Variants in PLCB1 observed in about 807,000 individuals in gnomAD.
PLCB1 encodes phospholipase C beta 1, also known as 1-phosphatidylinositol 4,5-bisphosphate phosphodiesterase beta-1.
A neutral mutation model predicts 161.8 loss-of-function variants in PLCB1; 46 were observed. That is an observed-to-expected ratio of 0.28 (90% CI 0.22 to 0.36). The LOEUF is 0.36. Among genes scored for constraint, PLCB1 ranks in the 10% least tolerant of loss-of-function variants. The pLI is 1.00. For missense variants in PLCB1, 1,016 were observed against 1,472.5 expected (o/e 0.69, Z 5.07); for synonymous variants, 517 against 503.7 (o/e 1.03, Z -0.35).
At chr20:8,763,861 T>G (rs553092927) in intron 25 of PLCB1, among the ~76,000 whole-genome samples, 1 of 151,938 alleles carries the variant, frequency 6.6e-6, no homozygotes, top group South Asian at 2.1e-4. Flanking sequence ...CAAAGTTTTC[T>G]CAGCATGGGA....
intron 2 of PLCB1, among the ~76,000 whole-genome samples, chr20:8,164,744 G>C (rs2051659145): frequency 6.6e-6 from 1 of 152,308 alleles, no homozygotes; most frequent in Middle Eastern, 3.4e-3. Flanking sequence ...GAGTAGCTCA[G>C]ATGCCACTTT....
chr20:8,832,221 C>A (rs1986047678), intron 31 of PLCB1, among the ~76,000 whole-genome samples: 1 of 151,918 alleles, frequency 6.6e-6, no homozygotes, highest in African/African-American at 2.4e-5. Context: ...CTTCTAACAG[C>A]AAAAAGAAAC....
intron 2 of PLCB1, among the ~76,000 whole-genome samples, chr20:8,358,411 G>A (rs1383954087): frequency 6.6e-6 from 1 of 151,936 alleles, no homozygotes; most frequent in African/African-American, 2.4e-5. Context: ...AACATGCCCG[G>A]CTAATTATTT....
intron 3 of PLCB1, among the ~76,000 whole-genome samples, chr20:8,478,942 A>G (rs945590388): frequency 2.6e-5 from 4 of 152,182 alleles, no homozygotes; most frequent in African/African-American, 9.7e-5. Flanking sequence ...ATGGCTTATA[A>G]GTCAGTTTTA....
In PLCB1 at chr20:8,765,032, C is replaced by T. The variant is rs540870094; in HGVS notation, c.2711-107C>T. ...TGACATCAAGCTTTGCTCTTAAACT[C>T]TAGCTGGGCAAGATCAACCATTTCT... On this transcript the variant is annotated intron_variant, in intron 25 of 31. Coordinates refer to ENST00000338037, the MANE Select transcript of PLCB1 (RefSeq NM_015192.4). The T allele has an allele frequency of 1.6e-4, 132 of 837,550 alleles. No individual in the cohort carries two copies. In the African/African-American group the frequency reaches 2.1e-3, roughly 13 times the overall value. 51.9% of individuals were successfully genotyped at this position (837,550 alleles called of 1,614,324 possible). A position where few individuals can be genotyped will look rare whatever the true frequency, so the allele number is the denominator to read the frequency against.
intron 3 of PLCB1, among the ~76,000 whole-genome samples, chr20:8,417,309 T>C (rs898706525): frequency 6.6e-6 from 1 of 151,126 alleles, no homozygotes; most frequent in Non-Finnish European, 1.5e-5. Context: ...ATATATTTTT[T>C]GTCTCTGGTG....
At chr20:8,518,043 T>A (rs538306261) in intron 3 of PLCB1, among the ~76,000 whole-genome samples, 2 of 152,022 alleles carry the variant, frequency 1.3e-5, no homozygotes, top group South Asian at 4.2e-4. Context: ...TTAGCTGGGC[T>A]TGGTGGCATG....
intron 26 of PLCB1, among the ~76,000 whole-genome samples, chr20:8,773,842 C>A (rs1421905275): frequency 1.3e-5 from 2 of 151,850 alleles, no homozygotes; most frequent in Non-Finnish European, 2.9e-5. Context: ...GGTATGGTGG[C>A]ACATGCTTGT....
intron 3 of PLCB1, among the ~76,000 whole-genome samples, chr20:8,381,312 A>C (rs1002768024): frequency 2.0e-5 from 3 of 152,186 alleles, no homozygotes; most frequent in African/African-American, 7.2e-5. Flanking sequence ...GTAGTGGATA[A>C]GTTTTTTGAT....
intron 2 of PLCB1, among the ~76,000 whole-genome samples, chr20:8,265,436 CACTGAT>C (rs1981909747): frequency 6.6e-6 from 1 of 152,136 alleles, no homozygotes; most frequent in African/African-American, 2.4e-5. Context: ...ATAATTATAT[CACTGAT>C]CATGTCTAAC....
At chr20:8,741,019 C>T (rs776988752) in intron 22 of PLCB1, among the ~76,000 whole-genome samples, 12 of 152,126 alleles carry the variant, frequency 7.9e-5, no homozygotes, top group Non-Finnish European at 1.8e-4. Flanking sequence ...CCCAACAGTC[C>T]GGAAAGCAGG....
intron 23 of PLCB1, among the ~76,000 whole-genome samples, chr20:8,748,395 T>C (rs1165817588): frequency 6.6e-6 from 1 of 152,220 alleles, no homozygotes; most frequent in Non-Finnish European, 1.5e-5. Flanking sequence ...TTTTTAAATA[T>C]GTATCAAGAA....
intron 3 of PLCB1, among the ~76,000 whole-genome samples, chr20:8,540,236 T>C (rs532490781): frequency 6.9e-4 from 105 of 152,344 alleles, no homozygotes; most frequent in African/African-American, 2.5e-3. Flanking sequence ...GCCTGATGAA[T>C]GAGCTATTAC....
At chr20:8,675,629 C>G (rs975297019) in intron 9 of PLCB1, among the ~76,000 whole-genome samples, 1 of 152,104 alleles carries the variant, frequency 6.6e-6, no homozygotes, top group Non-Finnish European at 1.5e-5. Context: ...ATAGTAGAAC[C>G]ATGGAACTTC....
intron 3 of PLCB1, among the ~76,000 whole-genome samples, chr20:8,420,763 A>G (rs1979505319): frequency 1.3e-5 from 2 of 152,234 alleles, no homozygotes; most frequent in Admixed American, 6.5e-5. Flanking sequence ...CATCAGGTCA[A>G]TGCACTTAAG....
intron 26 of PLCB1, among the ~76,000 whole-genome samples, chr20:8,767,531 T>A (rs890867751): frequency 3.3e-5 from 5 of 152,138 alleles, no homozygotes; most frequent in Middle Eastern, 3.2e-3. Flanking sequence ...TGCAAGACTC[T>A]TGTGTGAACA....
intron 14 of PLCB1, among the ~76,000 whole-genome samples, chr20:8,718,572 C>G (rs1046833042): frequency 1.3e-5 from 2 of 152,204 alleles, no homozygotes; most frequent in African/African-American, 4.8e-5. Flanking sequence ...TCACATCTCC[C>G]TCTGACCACA....
rs541820008 is a variant in PLCB1 at position 8,184,494 on chromosome 20, A to G, written c.177+34123A>G. 3.6e-4 allele frequency among the ~76,000 whole-genome samples: 55 copies of G among 152,116 alleles called. 1 individual carries two copies. Among genetic ancestry groups the G allele is most frequent in the African/African-American group, 1.3e-3 (54 of 41,554 alleles). ...AGGTGGGCTTCTTTTTTACTTTACCATCTCAGCCTCTGAATTTGTTAGTTA... is the reference window on the plus strand; with the variant it reads ...AGGTGGGCTTCTTTTTTACTTTACCGTCTCAGCCTCTGAATTTGTTAGTTA... On this transcript the variant is annotated intron_variant, in intron 2 of 31. Coordinates refer to ENST00000338037, the MANE Select transcript of PLCB1 (RefSeq NM_015192.4).
In PLCB1 at chr20:8,195,859, C is replaced by T. The variant is rs185376390; in HGVS notation, c.177+45488C>T. ...ATTGAGGTTCTGCATTTGTATTAGT[C>T]GATTCTCACACTGGTGTGAAGAAAT... is the stretch of plus-strand genomic sequence containing the variant. On this transcript the variant is annotated intron_variant, in intron 2 of 31. Transcript: ENST00000338037. Among the ~76,000 whole-genome samples the T allele has an allele frequency of 2.6e-5, 4 of 152,110 alleles. No individual in the cohort carries two copies. The East Asian group carries it at 7.8e-4, about 29-fold the overall frequency.
Sources: gnomAD v4.1 joint callset for allele counts (sites outside exome capture counted in the v4.1 genomes callset) on GRCh38, gnomAD v4.1.1 for gene constraint, MANE v1.5 for transcripts, NCBI Gene and HGNC (gene_info 2026-07-23, HGNC 2026-07-21) for gene names.